The following RASA3 variants were observed in gnomAD, a reference collection of about 807,000 sequenced individuals.
RASA3 encodes the protein ras GTPase-activating protein 3.
In RASA3, 73 loss-of-function variants were observed where a neutral mutation model predicts 110.0. That is an observed-to-expected ratio of 0.66 (90% CI 0.55 to 0.81). RASA3 has a LOEUF of 0.81. Among genes scored for constraint, RASA3 ranks in the 30% least tolerant of loss-of-function variants. The pLI is 0.00. For synonymous variants in RASA3, 500 were observed against 451.4 expected, an observed-to-expected ratio of 1.11 and a Z score of -1.37; for missense variants, 976 against 1,113.2, an observed-to-expected ratio of 0.88 and a Z score of 1.75.
At chr13:114,053,073 G>A (rs9525357) in intron 2 of RASA3, among the ~76,000 whole-genome samples, 1,014 of 45,992 alleles carry the variant, frequency 0.022, 2 homozygotes, top group African/African-American at 0.081. Flanking sequence ...TGCTGACTGT[G>A]CTTAGAGTCC....
At chr13:114,047,773 C>CT (rs1455783952) in intron 3 of RASA3, among the ~76,000 whole-genome samples, 1 of 152,236 alleles carries the variant, frequency 6.6e-6, no homozygotes, top group Non-Finnish European at 1.5e-5. Context: ...GGCACGGCCC[C>CT]TCCAGGGTTT....
Position 114,010,594 on chromosome 13 carries a change from G to A in RASA3, c.1590+577C>T, listed in dbSNP as rs543260059. Among the ~76,000 whole-genome samples the A allele has an allele frequency of 1.6e-3, 220 of 141,164 alleles. 2 individuals carry two copies. Among genetic ancestry groups the A allele is most frequent in the African/African-American group, 5.5e-3 (207 of 37,428 alleles). 92.6% of individuals were successfully genotyped at this position (141,164 alleles called of 152,430 possible). On this transcript the variant is annotated intron_variant, in intron 16 of 23. Transcript: ENST00000334062. Reference sequence around the variant, plus strand: ...AGGGGCCCTGGGAGGAGGGGGCCGCGTGGGGAGGGGAGCGCCACGTTGGGA... The same window carrying A: ...AGGGGCCCTGGGAGGAGGGGGCCGCATGGGGAGGGGAGCGCCACGTTGGGA...
At chr13:114,053,943 T>C (rs1347219450) in intron 2 of RASA3, among the ~76,000 whole-genome samples, 1 of 152,154 alleles carries the variant, frequency 6.6e-6, no homozygotes, top group Non-Finnish European at 1.5e-5. Flanking sequence ...CTGGCCAACA[T>C]GGCAAATCCC....
chr13:114,042,641 G>T (rs1304855272), intron 3 of RASA3, among the ~76,000 whole-genome samples: 2 of 152,214 alleles, frequency 1.3e-5, no homozygotes, highest in Non-Finnish European at 1.5e-5. Context: ...CGGCCACCCT[G>T]CCTCACGCCA....
intron 1 of RASA3, among the ~76,000 whole-genome samples, chr13:114,082,292 C>A (rs904024593): frequency 3.3e-5 from 5 of 152,230 alleles, no homozygotes; most frequent in African/African-American, 1.2e-4. Flanking sequence ...CTGCAGGTGC[C>A]CTGGTTTGCC....
At chr13:114,013,662 T>C (rs1316075243) in intron 14 of RASA3, among the ~76,000 whole-genome samples, 6 of 91,318 alleles carry the variant, frequency 6.6e-5, no homozygotes, top group South Asian at 4.3e-4. Flanking sequence ...CTCTCCCTCT[T>C]TGTCCCTCTC....
chr13:114,097,222 C>T (rs1029028205), intron 1 of RASA3, among the ~76,000 whole-genome samples: 3 of 152,232 alleles, frequency 2.0e-5, no homozygotes, highest in African/African-American at 7.2e-5. Flanking sequence ...CCTGGGTGGT[C>T]TTAGTACTGT....
chr13:113,996,788 G>T, intron 20 of RASA3, 49 bp from the exon 21 acceptor site: 1 of 1,535,648 alleles, frequency 6.5e-7, no homozygotes, highest in Non-Finnish European at 9.0e-7. Flanking sequence ...TCTCGTGGCT[G>T]AGCACGTGCA....
In RASA3 at chr13:114,029,898, CA is replaced by C. The variant is rs1566500558; in HGVS notation, c.373-12del. 6.4e-7 allele frequency: 1 copy of C among 1,550,792 alleles called. No homozygotes were observed. The highest frequency in any genetic ancestry group is 8.7e-7 in the Non-Finnish European group (1 of 1,149,916). The stretch of plus-strand genomic sequence containing the variant: ...CAGGTGCACTTTGCCCTGCAAGGCA[CA>C]AGGATGGGGTGTCAGAGGCTGTGGC... On this transcript the variant is annotated splice_polypyrimidine_tract_variant and intron_variant, in intron 4 of 23. Coordinates refer to ENST00000334062, the MANE Select transcript of RASA3 (RefSeq NM_007368.4).
chr13:113,998,618 C>T lies in RASA3; in HGVS notation c.1932+967G>A, dbSNP rs144169702. Reference sequence around the variant, plus strand: ...CACCAGGGAGAACGTGGCCAGCGGCCGACTCTGGGAGGCCACCACACAATG... The same window carrying T: ...CACCAGGGAGAACGTGGCCAGCGGCTGACTCTGGGAGGCCACCACACAATG... On this transcript the variant is annotated intron_variant, in intron 20 of 23. Coordinates refer to ENST00000334062, the MANE Select transcript of RASA3 (RefSeq NM_007368.4). Among the ~76,000 whole-genome samples the T allele has an allele frequency of 7.9e-3, 1,207 of 152,294 alleles. 22 individuals are homozygous for T. The highest frequency in any genetic ancestry group is 0.027 in the African/African-American group (1,140 of 41,556).
chr13:114,019,699 C>T (rs933346589), intron 9 of RASA3, among the ~76,000 whole-genome samples: 5 of 147,466 alleles, frequency 3.4e-5, no homozygotes, highest in African/African-American at 5.1e-5. Flanking sequence ...GTGCCTGAGG[C>T]ATTAGCCCCC....
intron 1 of RASA3, among the ~76,000 whole-genome samples, chr13:114,076,466 T>A (rs2079683420): frequency 6.8e-6 from 1 of 148,074 alleles, no homozygotes; most frequent in Non-Finnish European, 1.5e-5. Flanking sequence ...TTCCGAAGGC[T>A]CCCACCGATG....
chr13:114,070,709 C>T (rs1284553914), intron 2 of RASA3, among the ~76,000 whole-genome samples: 1 of 145,676 alleles, frequency 6.9e-6, no homozygotes, highest in Non-Finnish European at 1.5e-5. Context: ...AACGGCGCCA[C>T]AGTCTTACAC....
intron 3 of RASA3, among the ~76,000 whole-genome samples, chr13:114,049,690 G>A (rs1406581802): frequency 6.6e-6 from 1 of 152,220 alleles, no homozygotes; most frequent in Non-Finnish European, 1.5e-5. Flanking sequence ...GCTGAGCCCC[G>A]CCAGATACAC....
chr13:114,073,669 C>G (rs557775690), intron 2 of RASA3, 51 bp downstream of exon 2: 2 of 1,450,050 alleles, frequency 1.4e-6, no homozygotes, highest in East Asian at 4.5e-5. Context: ...GGGACATTCT[C>G]TACACCAAAG....
In RASA3 at chr13:114,022,183, C is replaced by T. The variant is rs1334832097; in HGVS notation, c.681-675G>A. Among the ~76,000 whole-genome samples the T allele has an allele frequency of 4.6e-5, 7 of 152,204 alleles. 1 individual carries two copies. Among genetic ancestry groups the T allele is most frequent in the Non-Finnish European group, 8.8e-5 (6 of 68,032 alleles). ...CACGGTCCACGAATCTCCGTGACTA[C>T]CGCAGGCCCAGCATTGTGAAGCTTC... On this transcript the variant is annotated intron_variant, in intron 8 of 23. Transcript: ENST00000334062.
chr13:114,077,973 T>G (rs2079720983), intron 1 of RASA3: 6 of 983,882 alleles, frequency 6.1e-6, no homozygotes, highest in Non-Finnish European at 7.2e-6. Flanking sequence ...TTTCCAACTG[T>G]TAATAAAGCA....
At chr13:114,106,344 T>A (rs2080135578) in intron 1 of RASA3, among the ~76,000 whole-genome samples, 1 of 152,174 alleles carries the variant, frequency 6.6e-6, no homozygotes, top group Non-Finnish European at 1.5e-5. Flanking sequence ...CTTGAAAACT[T>A]AAAATTAGCT....
rs865971877 is a variant in RASA3 at position 114,052,983 on chromosome 13, G to T, written c.174-828C>A. 9.8e-4 allele frequency among the ~76,000 whole-genome samples: 59 copies of T among 60,026 alleles called. 1 individual carries two copies. Among genetic ancestry groups the T allele is most frequent in the African/African-American group, 3.2e-3 (34 of 10,770 alleles). 39.4% of individuals were successfully genotyped at this position (60,026 alleles called of 152,430 possible). ...GAGAAATCGCCACTGCTGACTGTGC[G>T]TAGAGTCCTCGCTCCTGGGGGAGAG... is the stretch of plus-strand genomic sequence containing the variant. On this transcript the variant is annotated intron_variant, in intron 2 of 23. Coordinates refer to ENST00000334062, the MANE Select transcript of RASA3 (RefSeq NM_007368.4).
Sources: gnomAD v4.1 joint callset for allele counts (sites outside exome capture counted in the v4.1 genomes callset) on GRCh38, gnomAD v4.1.1 for gene constraint, MANE v1.5 for transcripts, NCBI Gene and HGNC (gene_info 2026-07-23, HGNC 2026-07-21) for gene names.